The following LRBA variants were observed in gnomAD, a reference collection of about 807,000 sequenced individuals.
LRBA encodes lipopolysaccharide-responsive and beige-like anchor protein.
Under a neutral mutation model 330.0 loss-of-function variants are expected in LRBA, and 176 were observed. That is an observed-to-expected ratio of 0.53 (90% CI 0.47 to 0.60). The LOEUF is 0.60. Ranked by LOEUF, LRBA falls within the 20% of genes least tolerant of loss-of-function variation. The pLI is 0.00. For synonymous variants in LRBA, 1,230 were observed against 1,193.0 expected (o/e 1.03, Z -0.64); for missense variants, 3,259 against 3,444.8 (o/e 0.95, Z 1.35).
chr4:151,005,359 AC>A lies in LRBA; in HGVS notation c.216+9067del, dbSNP rs1743893155. ...AGGCTGAGACAGGAGAATCCCTTGA[AC>A]CCGGGAGGCGGAGGTTGCAGTGAGC... On this transcript the variant is annotated intron_variant, in intron 2 of 56. Coordinates refer to ENST00000651943, the MANE Select transcript of LRBA (RefSeq NM_001364905.1). Among the ~76,000 whole-genome samples the A allele has an allele frequency of 2.8e-5, 4 of 141,086 alleles. No homozygotes were observed. The South Asian group carries it at 9.4e-4, about 33-fold the overall frequency. 92.6% of individuals were successfully genotyped at this position (141,086 alleles called of 152,430 possible).
chr4:150,329,351 A>G (rs1020928194), intron 48 of LRBA, among the ~76,000 whole-genome samples: 4 of 152,210 alleles, frequency 2.6e-5, no homozygotes, highest in Non-Finnish European at 5.9e-5. Flanking sequence ...GTCACACTGT[A>G]TATCATCAAC....
At chr4:150,519,857 T>C (rs937674332) in intron 40 of LRBA, among the ~76,000 whole-genome samples, 2 of 152,280 alleles carry the variant, frequency 1.3e-5, no homozygotes, top group Admixed American at 6.5e-5. Flanking sequence ...CTAGCTAACA[T>C]TTGGTGTTGT....
intron 37 of LRBA, among the ~76,000 whole-genome samples, chr4:150,674,545 T>C (rs969053973): frequency 6.6e-6 from 1 of 152,172 alleles, no homozygotes; most frequent in African/African-American, 2.4e-5. Flanking sequence ...AGTAAATCCC[T>C]GGCAAATTGT....
rs147904674 is a variant in LRBA at position 150,867,307 on chromosome 4, C to A, written c.2766+364G>T. On this transcript the variant is annotated intron_variant, in intron 22 of 56. Coordinates refer to ENST00000651943, the MANE Select transcript of LRBA (RefSeq NM_001364905.1). ...TTTTAACTCATATAAAATTCTGAGA[C>A]CCATGTTTGTAAACAGGGCTTCCTC... 1.6e-3 allele frequency among the ~76,000 whole-genome samples: 250 copies of A among 152,086 alleles called. 2 individuals are homozygous for A. The highest frequency in any genetic ancestry group is 5.9e-3 in the African/African-American group (243 of 41,492).
chr4:150,839,922 T>C (rs1411349177), intron 28 of LRBA, among the ~76,000 whole-genome samples: 3 of 152,174 alleles, frequency 2.0e-5, no homozygotes, highest in Non-Finnish European at 1.5e-5. Context: ...ATTGAAAATC[T>C]GTTGCCTAGT....
At chr4:150,557,485 C>A (rs1450121448) in intron 40 of LRBA, among the ~76,000 whole-genome samples, 2 of 151,734 alleles carry the variant, frequency 1.3e-5, no homozygotes, top group Admixed American at 6.6e-5. Context: ...CAGTTTTTCT[C>A]TCAAGCTTTT....
In LRBA at chr4:150,776,064, G is replaced by C. The variant is rs757922119; in HGVS notation, c.5581-14217C>G. Among the ~76,000 whole-genome samples the C allele has an allele frequency of 2.8e-4, 42 of 152,188 alleles. 1 individual carries two copies. Among genetic ancestry groups the C allele is most frequent in the Admixed American group, 4.6e-4 (7 of 15,274 alleles). On this transcript the variant is annotated intron_variant, in intron 34 of 56. Transcript: ENST00000651943. Reference sequence around the variant, plus strand: ...TGTTATTATGAAAGTATATTAGAAAGAAGCAGGAGAGTGAAAGTTAAAAGG... The same window carrying C: ...TGTTATTATGAAAGTATATTAGAAACAAGCAGGAGAGTGAAAGTTAAAAGG...
At chr4:150,453,684 A>G (rs1418304608) in intron 44 of LRBA, among the ~76,000 whole-genome samples, 2 of 152,166 alleles carry the variant, frequency 1.3e-5, no homozygotes, top group Non-Finnish European at 2.9e-5. Flanking sequence ...TCTCTAATAT[A>G]TATACACGTA....
At chr4:150,635,127 A>C (rs1418415485) in intron 37 of LRBA, among the ~76,000 whole-genome samples, 1 of 152,200 alleles carries the variant, frequency 6.6e-6, no homozygotes, top group Non-Finnish European at 1.5e-5. Flanking sequence ...GCAGATTAGC[A>C]TCCGAGACGG....
At chr4:150,474,196 C>A (rs990740554) in intron 42 of LRBA, among the ~76,000 whole-genome samples, 23 of 152,088 alleles carry the variant, frequency 1.5e-4, no homozygotes, top group African/African-American at 5.6e-4. Flanking sequence ...ATGTAAACAT[C>A]CAATTTTGTC....
intron 50 of LRBA, among the ~76,000 whole-genome samples, chr4:150,316,700 C>T (rs1320238501): frequency 1.3e-5 from 2 of 152,104 alleles, no homozygotes; most frequent in African/African-American, 2.4e-5. Context: ...TCCCCAAACA[C>T]CAGTGGGACC....
intron 23 of LRBA, among the ~76,000 whole-genome samples, chr4:150,851,607 T>C (rs376916334): frequency 1.1e-4 from 17 of 152,210 alleles, no homozygotes; most frequent in African/African-American, 4.1e-4. Flanking sequence ...GTGTTTCCAA[T>C]ATTTGTTTTA....
intron 46 of LRBA, chr4:150,422,999 C>G (rs1033542991): frequency 1.3e-6 from 1 of 782,452 alleles, no homozygotes; most frequent in Non-Finnish European, 2.4e-6. Context: ...GTATAAGTGA[C>G]AGGCTGAGCC....
intron 34 of LRBA, among the ~76,000 whole-genome samples, chr4:150,782,085 T>G (rs915360849): frequency 2.2e-4 from 34 of 152,096 alleles, no homozygotes; most frequent in African/African-American, 8.2e-4. Context: ...TTTTGCATAT[T>G]TTGTAGAAAC....
chr4:150,959,386 A>G (rs967446074), intron 2 of LRBA, among the ~76,000 whole-genome samples: 1 of 149,230 alleles, frequency 6.7e-6, no homozygotes, highest in Non-Finnish European at 1.5e-5. Context: ...GGACACAGCC[A>G]AGCCATTATG....
chr4:150,920,725 G>A (rs568388521), intron 5 of LRBA, among the ~76,000 whole-genome samples: 2 of 152,050 alleles, frequency 1.3e-5, no homozygotes, highest in Admixed American at 6.6e-5. Context: ...CTGATTAACG[G>A]CTTACAGGAA....
chr4:150,761,841 G>A lies in LRBA; in HGVS notation c.5587C>T (p.Gln1863Ter). The change falls in exon 35 of 57, where the codon CAA becomes TAA. Residue 1863 changes from glutamine to a stop codon, truncating the protein, a stop_gained. Transcript: ENST00000651943. LOFTEE classifies it high-confidence loss of function. ...CCTGCATTCTTCTGAATAGAATTTTGCCACTCCTATAAAAAAAAAAGCAAA... is the reference window on the plus strand; with the variant it reads ...CCTGCATTCTTCTGAATAGAATTTTACCACTCCTATAAAAAAAAAAGCAAA... ...LVMLLCSQEW[Q>*]NSIQKNAGLA... The A allele has an allele frequency of 6.6e-7, 1 of 1,521,356 alleles. No individual in the cohort carries two copies. 94.2% of individuals were successfully genotyped at this position (1,521,356 alleles called of 1,614,324 possible).
At chr4:150,489,099 A>G (rs1414648347) in intron 41 of LRBA, among the ~76,000 whole-genome samples, 1 of 105,740 alleles carries the variant, frequency 9.5e-6, no homozygotes, top group African/African-American at 3.8e-5. Context: ...AAGAATATAC[A>G]ATATATTATA....
At chr4:150,548,554 A>T (rs1206879160) in intron 40 of LRBA, among the ~76,000 whole-genome samples, 13 of 152,198 alleles carry the variant, frequency 8.5e-5, no homozygotes, top group Admixed American at 8.5e-4. Flanking sequence ...TTAACTCTGC[A>T]TAGTTTACTA....
Sources: allele counts gnomAD v4.1 joint callset (sites outside exome capture counted in the v4.1 genomes callset), GRCh38; gene constraint gnomAD v4.1.1; transcripts MANE v1.5; gene names NCBI Gene and HGNC (gene_info 2026-07-23, HGNC 2026-07-21).